TTC28: variants seen among roughly 807,000 people sequenced by gnomAD.
TTC28 encodes tetratricopeptide repeat protein 28.
TTC28 carries 61 observed loss-of-function variants against 198.0 expected under a neutral mutation model. That is an observed-to-expected ratio of 0.31 (90% CI 0.25 to 0.38). TTC28 has a LOEUF of 0.38. Ranked by LOEUF, TTC28 falls within the 10% of genes least tolerant of loss-of-function variation. The pLI is 1.00. For synonymous variants in TTC28, 1,171 were observed against 1,297.8 expected (o/e 0.90, Z 2.10); for missense variants, 2,678 against 3,164.0 (o/e 0.85, Z 3.69).
chr22:28,032,487 A>C (rs1939175965), intron 12 of TTC28, among the ~76,000 whole-genome samples: 1 of 151,800 alleles, frequency 6.6e-6, no homozygotes, highest in Admixed American at 6.6e-5. Flanking sequence ...CCTGGCATGC[A>C]GCAGGTATGC....
intron 2 of TTC28, among the ~76,000 whole-genome samples, chr22:28,399,342 AG>A (rs1412997091): frequency 7.2e-6 from 1 of 139,450 alleles, no homozygotes; most frequent in Non-Finnish European, 1.5e-5. Flanking sequence ...TTTTTGAGAC[AG>A]GCTTGCTCTG....
chr22:28,087,221 T>C (rs1941641260), intron 12 of TTC28, among the ~76,000 whole-genome samples: 1 of 152,152 alleles, frequency 6.6e-6, no homozygotes, highest in Middle Eastern at 3.2e-3. Flanking sequence ...AAGAGAATTT[T>C]AGACCAATAT....
chr22:28,201,683 G>A (rs1235409600), intron 5 of TTC28, among the ~76,000 whole-genome samples: 1 of 142,386 alleles, frequency 7.0e-6, no homozygotes, highest in Non-Finnish European at 1.5e-5. Context: ...GAATATAAAA[G>A]ACTGAAATAA....
intron 1 of TTC28, among the ~76,000 whole-genome samples, chr22:28,649,277 C>G (rs1284838896): frequency 6.6e-6 from 1 of 152,164 alleles, no homozygotes; most frequent in Non-Finnish European, 1.5e-5. Context: ...ATGTACACCA[C>G]TCTGGTGATG....
chr22:28,009,769 G>A (rs1489615387), intron 14 of TTC28, among the ~76,000 whole-genome samples: 2 of 152,246 alleles, frequency 1.3e-5, no homozygotes, highest in Non-Finnish European at 2.9e-5. Context: ...TCTTCCCCAG[G>A]TTTAGGACAG....
intron 2 of TTC28, among the ~76,000 whole-genome samples, chr22:28,395,490 G>C (rs1450298531): frequency 1.3e-5 from 2 of 151,976 alleles, no homozygotes; most frequent in East Asian, 3.9e-4. Flanking sequence ...AAATTAGATG[G>C]GAGTGGTGGT....
chr22:28,017,636 G>T (rs1436412819), intron 13 of TTC28, among the ~76,000 whole-genome samples: 3 of 152,206 alleles, frequency 2.0e-5, no homozygotes, highest in African/African-American at 7.2e-5. Context: ...GGCCGAAGAA[G>T]AAAGTGGGCC....
At chr22:28,060,558 C>T (rs942742590) in intron 12 of TTC28, among the ~76,000 whole-genome samples, 4 of 152,174 alleles carry the variant, frequency 2.6e-5, no homozygotes, top group East Asian at 1.9e-4. Context: ...AATAAACATA[C>T]GTATGCATGT....
chr22:28,139,570 A>C (rs545541180), intron 6 of TTC28, among the ~76,000 whole-genome samples: 1 of 152,284 alleles, frequency 6.6e-6, no homozygotes, highest in East Asian at 1.9e-4. Context: ...AGGAGAGTAA[A>C]CTTGATACCA....
chr22:28,556,022 G>T (rs549373855), intron 2 of TTC28, among the ~76,000 whole-genome samples: 1 of 151,876 alleles, frequency 6.6e-6, no homozygotes, highest in East Asian at 1.9e-4. Flanking sequence ...TTTAGTGAAG[G>T]GTTCATGGAA....
At chr22:28,586,608 G>A (rs1027349065) in intron 2 of TTC28, among the ~76,000 whole-genome samples, 1 of 152,070 alleles carries the variant, frequency 6.6e-6, no homozygotes, top group Non-Finnish European at 1.5e-5. Flanking sequence ...CTGTGTAAGA[G>A]GATGAAAAGG....
At chr22:28,206,894 G>A (rs1304149214) in intron 5 of TTC28, among the ~76,000 whole-genome samples, 1 of 152,168 alleles carries the variant, frequency 6.6e-6, no homozygotes. Flanking sequence ...ATGGGGAGAA[G>A]TCCGTACCTA....
chr22:28,004,969 G>T (rs1279308486), intron 14 of TTC28, among the ~76,000 whole-genome samples: 1 of 152,214 alleles, frequency 6.6e-6, no homozygotes, highest in East Asian at 1.9e-4. Context: ...GCTTAGGGTT[G>T]AACAATAAAG....
intron 2 of TTC28, among the ~76,000 whole-genome samples, chr22:28,621,090 G>T (rs771742449): frequency 6.6e-6 from 1 of 152,158 alleles, no homozygotes; most frequent in Non-Finnish European, 1.5e-5. Context: ...CTAAATGGCT[G>T]GTATCACTGC....
chr22:27,982,470 T>C lies in TTC28; in HGVS notation c.7197A>G (p.Pro2399=), dbSNP rs201938772. ...CTCCCTCCTCCTTCTTATTGTGCCGTGGTGACAAATTCAACAGACTGAGGA... is the reference window on the plus strand; with the variant it reads ...CTCCCTCCTCCTTCTTATTGTGCCGCGGTGACAAATTCAACAGACTGAGGA... ...RDVLSLLNLS[P]RHNKKEEGVD... The change falls in exon 23 of 23, where the codon CCA becomes CCG. Residue 2399 remains proline, a synonymous_variant. Transcript: ENST00000397906. This position sits in a 1 kb window ranked among gnomAD's most constrained non-coding sequence, Gnocchi z 5.2. The C allele has an allele frequency of 1.1e-3, 1,722 of 1,551,350 alleles. 2 individuals carry two copies. The highest frequency in any genetic ancestry group is 1.4e-3 in the Non-Finnish European group (1,560 of 1,146,950).
intron 5 of TTC28, among the ~76,000 whole-genome samples, chr22:28,183,553 T>C (rs888514895): frequency 1.3e-5 from 2 of 152,144 alleles, no homozygotes; most frequent in African/African-American, 4.8e-5. Flanking sequence ...CTCATTGTCT[T>C]TGCCAAGTCT....
At chr22:28,180,330 A>T (rs1043871034) in intron 5 of TTC28, among the ~76,000 whole-genome samples, 13 of 152,208 alleles carry the variant, frequency 8.5e-5, no homozygotes. Flanking sequence ...AACCAAATAA[A>T]TTTTATAATC....
At chr22:28,266,809 C>A (rs1224079988) in intron 5 of TTC28, among the ~76,000 whole-genome samples, 1 of 152,134 alleles carries the variant, frequency 6.6e-6, no homozygotes, top group Non-Finnish European at 1.5e-5. Context: ...TATTTTGTCA[C>A]AGAGCATTAT....
intron 2 of TTC28, among the ~76,000 whole-genome samples, chr22:28,534,300 A>G (rs2049214446): frequency 6.6e-6 from 1 of 152,238 alleles, no homozygotes; most frequent in Non-Finnish European, 1.5e-5. Flanking sequence ...CAGCCAAAAG[A>G]CACATGAAAA....
Sources: gnomAD v4.1 joint callset for allele counts (sites outside exome capture counted in the v4.1 genomes callset) on GRCh38, gnomAD v4.1.1 for gene constraint, Gnocchi (gnomAD v3.1) non-coding constraint, MANE v1.5 for transcripts, NCBI Gene and HGNC (gene_info 2026-07-23, HGNC 2026-07-21) for gene names.